Variants in ESF1 observed in about 807,000 individuals in gnomAD.
The protein encoded by ESF1 is ESF1 nucleolar pre-rRNA processing protein.
A neutral mutation model predicts 92.0 loss-of-function variants in ESF1; 58 were observed. That is an observed-to-expected ratio of 0.63 (90% CI 0.51 to 0.78). ESF1 has a LOEUF of 0.78. Among genes scored for constraint, ESF1 ranks in the 30% least tolerant of loss-of-function variants. The pLI, the probability that ESF1 is intolerant of heterozygous loss-of-function variation, is 0.00. For missense variants in ESF1, 922 were observed against 989.1 expected, an observed-to-expected ratio of 0.93 and a Z score of 0.91; for synonymous variants, 321 against 313.7, an observed-to-expected ratio of 1.02 and a Z score of -0.24.
Position 13,728,408 on chromosome 20 carries a change from G to C in ESF1, c.2008C>G (p.Pro670Ala), listed in dbSNP as rs1397900241. 6.2e-7 allele frequency: 1 copy of C among 1,612,674 alleles called. No homozygotes were observed. Among genetic ancestry groups the C allele is most frequent in the South Asian group, 1.1e-5 (1 of 90,744 alleles). The change falls in exon 11 of 14, where the codon CCA becomes GCA. Residue 670 changes from proline (P) to alanine (A), a missense_variant. Transcript: ENST00000617257. ...ELPSDVDLND[P>A]YFAEEVKQIG... is the part of the protein sequence containing the mutation. The stretch of plus-strand genomic sequence containing the variant: ...TGTTTAACTTCTTCAGCAAAGTATG[G>C]GTCATTCAAATCAACATCAGAGGGA...
At chr20:13,773,963 T>C (rs911669975) in intron 4 of ESF1, among the ~76,000 whole-genome samples, 1 of 151,766 alleles carries the variant, frequency 6.6e-6, no homozygotes, top group Admixed American at 6.6e-5. Context: ...GGCGTGGTGG[T>C]GGGCGCCTGT....
chr20:13,729,706 AC>A (rs1199496845), intron 10 of ESF1, among the ~76,000 whole-genome samples: 1 of 152,162 alleles, frequency 6.6e-6, no homozygotes, highest in Non-Finnish European at 1.5e-5. Flanking sequence ...AATGTAATGA[AC>A]CCTCTGTTCT....
At position 13,784,907 on chromosome 20, in the gene ESF1, G is replaced by C. The variant is rs568774385; in HGVS notation, c.-71C>G. 33 of 652,598 alleles carry C rather than the reference G, an allele frequency of 5.1e-5. No individual in the cohort carries two copies. Among genetic ancestry groups the C allele is most frequent in the African/African-American group, 3.4e-4 (19 of 55,106 alleles). 40.4% of individuals were successfully genotyped at this position (652,598 alleles called of 1,614,324 possible). On this transcript the variant is annotated 5_prime_UTR_variant, in exon 1 of 14. Transcript: ENST00000617257. ...TCCGCAGTCCTACCAAGCCTCACGTGGGGCTCACACCCACAATCCTCCGCG... is the reference window on the plus strand; with the variant it reads ...TCCGCAGTCCTACCAAGCCTCACGTCGGGCTCACACCCACAATCCTCCGCG...
intron 9 of ESF1, among the ~76,000 whole-genome samples, chr20:13,753,860 G>C (rs1284804980): frequency 2.0e-5 from 3 of 152,158 alleles, no homozygotes; most frequent in Non-Finnish European, 4.4e-5. Flanking sequence ...ATCAAACTTT[G>C]AGCAGTAGGA....
chr20:13,722,328 T>C (rs1283164589), intron 11 of ESF1, among the ~76,000 whole-genome samples: 3 of 152,236 alleles, frequency 2.0e-5, no homozygotes, highest in Non-Finnish European at 4.4e-5. Context: ...GAATTTACTA[T>C]GATGTTAGAC....
chr20:13,730,496 G>A (rs1160863507), intron 10 of ESF1, among the ~76,000 whole-genome samples: 3 of 148,092 alleles, frequency 2.0e-5, no homozygotes, highest in Non-Finnish European at 4.5e-5. Flanking sequence ...CCATTCTCCT[G>A]TCTCAGCCTC....
rs193163256 is a variant in ESF1, at chr20:13,747,559, A to T, written c.1828+12133T>A. ...CAGCCTGCCGAGATGGCACCACTGC[A>T]CTGCAGCCTGCCGACAGAGCGAGAC... On this transcript the variant is annotated intron_variant, in intron 9 of 13. Transcript: ENST00000617257. Among the ~76,000 whole-genome samples, 562 of 151,282 alleles carry T rather than the reference A, an allele frequency of 3.7e-3. 3 individuals are homozygous for T. The highest frequency in any genetic ancestry group is 0.012 in the African/African-American group (514 of 41,170).
At position 13,771,335 on chromosome 20, in the gene ESF1, G is replaced by T. The variant is rs1431876976; in HGVS notation, c.1399C>A (p.Leu467Ile). ...GTAATACATACACTGGATTACCTTA[G>T]ATCTATGAAAGAACAACTACTTTCA... is the stretch of plus-strand genomic sequence containing the variant. ...EFESSCSFIDLRFIPDDITFD... is the reference protein window; with the variant it reads ...EFESSCSFIDIRFIPDDITFD... The change falls in exon 6 of 14, where the codon CTA becomes ATA. Residue 467 changes from leucine to isoleucine, a missense_variant. Physicochemically the swap from Leu to Ile is conservative, Grantham distance 5. Coordinates refer to ENST00000617257, the MANE Select transcript of ESF1 (RefSeq NM_001276380.2). 1.9e-6 allele frequency: 3 copies of T among 1,611,102 alleles called. No homozygotes were observed. The African/African-American group carries it at 4.0e-5, about 22-fold the overall frequency.
intron 4 of ESF1, 65 bp from the exon 5 acceptor site, chr20:13,772,680 C>A: frequency 8.5e-7 from 1 of 1,177,210 alleles, no homozygotes; most frequent in South Asian, 1.2e-5. Context: ...CTAGACCTGT[C>A]GAAGTCAGGA....
At chr20:13,766,957 G>A (rs1180120872) in intron 7 of ESF1, 33 bp from the exon 8 acceptor site, 9 of 1,596,730 alleles carry the variant, frequency 5.6e-6, no homozygotes, top group South Asian at 3.4e-5. Context: ...AATAACACAC[G>A]AAAATGGAAA....
chr20:13,714,823 T>C lies in ESF1; in HGVS notation c.*51A>G, dbSNP rs753555718. The C allele has an allele frequency of 2.1e-6, 3 of 1,408,064 alleles. No individual in the cohort carries two copies. The highest frequency in any genetic ancestry group is 1.4e-5 in the African/African-American group (1 of 69,492). 87.2% of individuals were successfully genotyped at this position (1,408,064 alleles called of 1,614,324 possible). ...CAATAAATATTCCCTCCTATTATTT[T>C]TGTACATTTTAGGAAAAGATGTATT... On this transcript the variant is annotated 3_prime_UTR_variant, in exon 14 of 14. Coordinates refer to ENST00000617257, the MANE Select transcript of ESF1 (RefSeq NM_001276380.2).
At chr20:13,778,850 G>A (rs1370911944) in intron 2 of ESF1, among the ~76,000 whole-genome samples, 1 of 152,100 alleles carries the variant, frequency 6.6e-6, no homozygotes, top group East Asian at 1.9e-4. Context: ...TTTGAGACAA[G>A]CCTGGGCAAC....
intron 4 of ESF1, among the ~76,000 whole-genome samples, chr20:13,773,283 T>C (rs897540919): frequency 6.6e-6 from 1 of 152,222 alleles, no homozygotes; most frequent in Non-Finnish European, 1.5e-5. Context: ...GTCTGAAATA[T>C]GCAATTTATC....
chr20:13,743,662 G>C (rs960653060), intron 9 of ESF1, among the ~76,000 whole-genome samples: 1 of 152,248 alleles, frequency 6.6e-6, no homozygotes, highest in African/African-American at 2.4e-5. Context: ...TTTATATGTG[G>C]AATCTAAAAA....
At chr20:13,757,017 A>G (rs1240047540) in intron 9 of ESF1, among the ~76,000 whole-genome samples, 1 of 152,196 alleles carries the variant, frequency 6.6e-6, no homozygotes, top group African/African-American at 2.4e-5. Flanking sequence ...CACTGTAGTG[A>G]AAGATTAGAA....
intron 11 of ESF1, 47 bp downstream of exon 11, chr20:13,728,330 CT>C (rs1345185034): frequency 2.1e-6 from 3 of 1,447,366 alleles, no homozygotes; most frequent in South Asian, 2.4e-5. Context: ...TGTACCTCAC[CT>C]TTTTCTTTAG....
intron 9 of ESF1, among the ~76,000 whole-genome samples, chr20:13,748,542 GTGTGTGTATATATATATATATA>G (rs1188008710): frequency 7.9e-5 from 4 of 50,714 alleles, no homozygotes; most frequent in Admixed American, 2.0e-4. Context: ...ACATATATAT[GTGTGTGTATATATATATATATA>G]TGTGTGTGTG....
Position 13,776,259 on chromosome 20 carries a change from TGAGTTGAAC to T in ESF1, c.640_648del (p.Val214_Leu216del). The T allele has an allele frequency of 6.2e-7, 1 of 1,611,696 alleles. No individual in the cohort carries two copies. The highest frequency in any genetic ancestry group is 8.5e-7 in the Non-Finnish European group (1 of 1,179,050). ...TAACCATCACTGTCTCTTGTCATTA[TGAGTTGAAC>T]CACTGCAAAATGTTAAAGGGGAAAG... On this transcript the variant is annotated inframe_deletion and splice_region_variant, in exon 3 of 14. Transcript: ENST00000617257.
chr20:13,720,004 T>C (rs553114107), intron 11 of ESF1, among the ~76,000 whole-genome samples: 3 of 152,294 alleles, frequency 2.0e-5, no homozygotes, highest in African/African-American at 7.2e-5. Flanking sequence ...TAACATGTAT[T>C]GGGGTCTCTA....
Sources: allele counts gnomAD v4.1 joint callset (sites outside exome capture counted in the v4.1 genomes callset), GRCh38; gene constraint gnomAD v4.1.1; transcripts MANE v1.5; gene names NCBI Gene and HGNC (gene_info 2026-07-23, HGNC 2026-07-21).